GNS: variants seen among roughly 807,000 people sequenced by gnomAD.
GNS encodes the protein glucosamine (N-acetyl)-6-sulfatase, also known as N-acetylglucosamine-6-sulfatase.
GNS carries 40 observed loss-of-function variants against 69.7 expected under a neutral mutation model. The ratio of observed to expected loss-of-function variants is 0.57; its 90% CI spans 0.45 to 0.75. The LOEUF is 0.75. Ranked by LOEUF, GNS falls within the 30% of genes least tolerant of loss-of-function variation. The pLI, the probability that GNS is intolerant of heterozygous loss-of-function variation, is 0.00. For missense variants in GNS, 565 were observed against 685.5 expected, an observed-to-expected ratio of 0.82 and a Z score of 1.96; for synonymous variants, 243 against 251.6, an observed-to-expected ratio of 0.97 and a Z score of 0.32.
rs1259578592 is a variant in GNS at position 64,744,908 on chromosome 12, CTAT to C, written c.526-4_526-2del. The C allele has an allele frequency of 7.2e-7, 1 of 1,395,348 alleles. No homozygotes were observed. Among genetic ancestry groups the C allele is most frequent in the African/African-American group, 1.4e-5 (1 of 70,840 alleles). The allele number at this position is 1,395,348 out of a possible 1,614,324, so 86.4% of individuals were successfully genotyped here. On this transcript the variant is annotated splice_acceptor_variant and splice_polypyrimidine_tract_variant and intron_variant, in intron 4 of 13. Coordinates refer to ENST00000258145, the MANE Select transcript of GNS (RefSeq NM_002076.4). LOFTEE classifies it high-confidence loss of function. ...AATTATAATACTTAGAATTCTTTTCCTATTAAAAAGAGGAAAGTCAAATTTGTT... is the reference window on the plus strand; with the variant it reads ...AATTATAATACTTAGAATTCTTTTCCTAAAAAGAGGAAAGTCAAATTTGTT...
intron 13 of GNS, 68 bp downstream of exon 13, chr12:64,719,954 T>C (rs995439309): frequency 1.1e-5 from 11 of 1,047,230 alleles, no homozygotes; most frequent in African/African-American, 7.8e-5. Flanking sequence ...AGGGCTCCCT[T>C]TGCCTTCAAG....
intron 1 of GNS, among the ~76,000 whole-genome samples, chr12:64,753,128 C>T (rs538624698): frequency 1.7e-4 from 26 of 152,260 alleles, no homozygotes; most frequent in Admixed American, 1.2e-3. Flanking sequence ...CCCTATAGAA[C>T]AGAAGTAAGA....
At chr12:64,725,363 G>A (rs181234203) in intron 10 of GNS, among the ~76,000 whole-genome samples, 3 of 152,274 alleles carry the variant, frequency 2.0e-5, no homozygotes, top group Admixed American at 6.5e-5. Flanking sequence ...ACGGGGGTGC[G>A]CTAGATTTGG....
Position 64,729,249 on chromosome 12 carries a change from A to G in GNS, c.1099-192T>C, listed in dbSNP as rs150388999. ...AACTTCAAACAAAATATAAAGGCTT[A>G]TAAGGCTTGTATAATAGTATATCCC... On this transcript the variant is annotated intron_variant, in intron 9 of 13. Coordinates refer to ENST00000258145, the MANE Select transcript of GNS (RefSeq NM_002076.4). 80 of 605,698 alleles carry G rather than the reference A, an allele frequency of 1.3e-4. No homozygotes were observed. In the African/African-American group the frequency reaches 1.3e-3, roughly 10 times the overall value. 37.5% of individuals were successfully genotyped at this position (605,698 alleles called of 1,614,324 possible). A position where few individuals can be genotyped will look rare whatever the true frequency, so the allele number is the denominator to read the frequency against.
At chr12:64,759,056 G>A (rs749856658) in intron 1 of GNS, 29 bp downstream of exon 1, 2 of 1,530,468 alleles carry the variant, frequency 1.3e-6, no homozygotes, top group Non-Finnish European at 1.8e-6. Context: ...CCAAGAGATA[G>A]AGGGGCGGGG....
chr12:64,716,880 T>C, intron 13 of GNS, 61 bp from the exon 14 acceptor site: 1 of 1,052,848 alleles, frequency 9.5e-7, no homozygotes, highest in Middle Eastern at 2.2e-4. Context: ...AGAATATTAT[T>C]CAGTGGAAAG....
In GNS at chr12:64,721,711, G is replaced by A. The variant is rs1592491918; in HGVS notation, c.1309-6C>T. On this transcript the variant is annotated splice_region_variant and splice_polypyrimidine_tract_variant and intron_variant, in intron 11 of 13. Transcript: ENST00000258145. ...ACACAGTCTGGGAAGCATTGCTGTA[G>A]GGATATTTCAAAAGTTAAATGAAGA... 1 of 1,371,450 alleles carries A rather than the reference G, an allele frequency of 7.3e-7. No homozygotes were observed. The highest frequency in any genetic ancestry group is 1.0e-6 in the Non-Finnish European group (1 of 958,212). 85.0% of individuals were successfully genotyped at this position (1,371,450 alleles called of 1,614,324 possible).
intron 3 of GNS, among the ~76,000 whole-genome samples, chr12:64,747,467 T>C (rs1220817230): frequency 6.6e-6 from 1 of 152,138 alleles, no homozygotes; most frequent in East Asian, 1.9e-4. Context: ...CTGGGACTAC[T>C]GAAAGGAAGA....
intron 2 of GNS, among the ~76,000 whole-genome samples, chr12:64,748,936 TTTTATTTTTA>T (rs1869981699): frequency 6.6e-6 from 1 of 152,160 alleles, no homozygotes; most frequent in South Asian, 2.1e-4. Flanking sequence ...GATTTGGCAT[TTTTATTTTTA>T]TTTATTTTTT....
At chr12:64,738,740 G>A (rs534285128) in intron 8 of GNS, among the ~76,000 whole-genome samples, 180 of 152,118 alleles carry the variant, frequency 1.2e-3, no homozygotes, top group African/African-American at 4.2e-3. Context: ...TTGAATCTGG[G>A]AGGCAGAGAT....
At chr12:64,754,444 T>C (rs964237093) in intron 1 of GNS, among the ~76,000 whole-genome samples, 3 of 151,888 alleles carry the variant, frequency 2.0e-5, no homozygotes, top group African/African-American at 4.8e-5. Context: ...ATATAGCAAG[T>C]ACAAGGGCTG....
chr12:64,742,648 A>C (rs1370256726), intron 6 of GNS, among the ~76,000 whole-genome samples: 1 of 152,236 alleles, frequency 6.6e-6, no homozygotes, highest in Non-Finnish European at 1.5e-5. Context: ...CTATACACCA[A>C]GCCAAGGGAA....
chr12:64,736,357 C>G (rs191581144), intron 9 of GNS, among the ~76,000 whole-genome samples: 32 of 152,290 alleles, frequency 2.1e-4, no homozygotes, highest in South Asian at 2.1e-4. Flanking sequence ...TAAGGAAGAG[C>G]CCAGCACAGG....
chr12:64,742,360 T>C (rs1039401854), intron 6 of GNS, among the ~76,000 whole-genome samples: 1 of 152,246 alleles, frequency 6.6e-6, no homozygotes, highest in African/African-American at 2.4e-5. Flanking sequence ...GCTTTGAAAC[T>C]GTATTTAACA....
At chr12:64,726,419 A>G (rs978750629) in intron 10 of GNS, among the ~76,000 whole-genome samples, 11 of 152,206 alleles carry the variant, frequency 7.2e-5, no homozygotes, top group African/African-American at 2.7e-4. Context: ...TAAGAGGCAG[A>G]GCTATAAAAC....
chr12:64,750,179 TG>T (rs1169943868), intron 2 of GNS, among the ~76,000 whole-genome samples: 5 of 152,142 alleles, frequency 3.3e-5, no homozygotes, highest in Admixed American at 2.0e-4. Context: ...CCCAAGTAGC[TG>T]GGCTCATAGG....
Position 64,723,035 on chromosome 12 carries a change from T to C in GNS, c.1279A>G (p.Thr427Ala). Residue 427 changes from threonine to alanine, a missense_variant, in exon 11 of 14, where the codon ACA (threonine) becomes GCA (alanine). Coordinates refer to ENST00000258145, the MANE Select transcript of GNS (RefSeq NM_002076.4). The part of the protein sequence containing the change: ...QGEGRNVTDP[T>A]CPSLSPGVSQ... ...ACGCCAGGACTCAGGGAAGGGCATG[T>C]TGGGTCAGTGACGTTACGGCCTTCT... 1 of 1,610,822 alleles carries C rather than the reference T, an allele frequency of 6.2e-7. No individual in the cohort carries two copies. The highest frequency in any genetic ancestry group is 8.5e-7 in the Non-Finnish European group (1 of 1,176,972).
At chr12:64,748,031 T>A (rs1240234815) in intron 2 of GNS, 113 bp from the exon 3 acceptor site, 8 of 718,416 alleles carry the variant, frequency 1.1e-5, no homozygotes, top group Non-Finnish European at 2.0e-5. Flanking sequence ...AAATATGTAG[T>A]TTCTCATGGA....
rs1425916492 is a variant in GNS at position 64,715,840 on chromosome 12, A to G, written c.*901T>C. ...TACAGCCCTTCCACTTGTCTGTTCA[A>G]GAGCCCTGTCTTCAGAAGGCCCTCG... On this transcript the variant is annotated 3_prime_UTR_variant, in exon 14 of 14. Transcript: ENST00000258145. 1 of 152,230 alleles carries G rather than the reference A, an allele frequency of 6.6e-6. No homozygotes were observed. Among genetic ancestry groups the G allele is most frequent in the Non-Finnish European group, 1.5e-5 (1 of 68,064 alleles). The allele number at this position is 152,230 out of a possible 1,614,324, so 9.4% of individuals were successfully genotyped here.
Sources: allele counts gnomAD v4.1 joint callset (sites outside exome capture counted in the v4.1 genomes callset), GRCh38; gene constraint gnomAD v4.1.1; transcripts MANE v1.5; gene names NCBI Gene and HGNC (gene_info 2026-07-23, HGNC 2026-07-21).